The following NRG1 variants were observed in gnomAD, a reference collection of about 807,000 sequenced individuals.
NRG1 encodes neuregulin 1, also known as pro-neuregulin-1, membrane-bound isoform.
Under a neutral mutation model 63.8 loss-of-function variants are expected in NRG1, and 18 were observed. The ratio of observed to expected loss-of-function variants is 0.28; its 90% CI spans 0.19 to 0.42. NRG1 has a LOEUF of 0.42. Among genes scored for constraint, NRG1 ranks in the 10% least tolerant of loss-of-function variants. The probability of loss-of-function intolerance (pLI) is 1.00; values close to 1 mark genes in which losing one functional copy is unlikely to be tolerated. For synonymous variants in NRG1, 302 were observed against 301.3 expected (o/e 1.00, Z -0.02); for missense variants, 762 against 814.7 (o/e 0.94, Z 0.79).
At chr8:32,485,224 C>T (rs1031289535) in intron 1 of NRG1, among the ~76,000 whole-genome samples, 3 of 151,728 alleles carry the variant, frequency 2.0e-5, no homozygotes, top group Non-Finnish European at 2.9e-5. Flanking sequence ...AAGCGATACT[C>T]CTGCCTCAGC....
chr8:32,249,365 C>G (rs1308024579), intron 1 of NRG1, among the ~76,000 whole-genome samples: 1 of 152,046 alleles, frequency 6.6e-6, no homozygotes, highest in Non-Finnish European at 1.5e-5. Flanking sequence ...AATTTAGTTT[C>G]CATTCTAACA....
At chr8:32,725,168 G>C (rs1035247300) in intron 5 of NRG1, among the ~76,000 whole-genome samples, 1 of 152,026 alleles carries the variant, frequency 6.6e-6, no homozygotes, top group Non-Finnish European at 1.5e-5. Context: ...TGGTTTTGTT[G>C]TTTTTAGCAA....
intron 6 of NRG1, 42 bp from the exon 7 acceptor site, chr8:32,741,966 C>G (rs1264572753): frequency 6.5e-7 from 1 of 1,536,322 alleles, no homozygotes; most frequent in Admixed American, 1.7e-5. Context: ...AGCTCAGTGT[C>G]TTTAGCATTT....
intron 1 of NRG1, among the ~76,000 whole-genome samples, chr8:32,503,772 A>G (rs1828174560): frequency 6.6e-6 from 1 of 152,210 alleles, no homozygotes; most frequent in African/African-American, 2.4e-5. Context: ...ACGCAGAGTG[A>G]GAGACCGAGG....
intron 1 of NRG1, among the ~76,000 whole-genome samples, chr8:31,826,854 A>C (rs1341861764): frequency 6.6e-6 from 1 of 152,240 alleles, no homozygotes; most frequent in Non-Finnish European, 1.5e-5. Flanking sequence ...TGTTTGAGAG[A>C]TAAATGCAGT....
Position 32,365,650 on chromosome 8 carries a change from T to C in NRG1, c.38-230178T>C, listed in dbSNP as rs182167245. Among the ~76,000 whole-genome samples the C allele has an allele frequency of 3.6e-4, 55 of 152,252 alleles. 1 individual carries two copies. Among genetic ancestry groups the C allele is most frequent in the African/African-American group, 1.3e-3 (53 of 41,548 alleles). On this transcript the variant is annotated intron_variant, in intron 1 of 10. Transcript: ENST00000519301. ...TAGTAAATATTTTAGACTTCATGGA[T>C]GATACAGTCTTGGGGCAGCTACTCA...
chr8:31,872,676 C>G (rs1179574049), intron 1 of NRG1, among the ~76,000 whole-genome samples: 1 of 152,148 alleles, frequency 6.6e-6, no homozygotes, highest in African/African-American at 2.4e-5. Flanking sequence ...TGGATAACCT[C>G]AATTTATTCA....
At chr8:31,738,193 A>C (rs1814889409) in intron 1 of NRG1, among the ~76,000 whole-genome samples, 1 of 152,072 alleles carries the variant, frequency 6.6e-6, no homozygotes, top group Non-Finnish European at 1.5e-5. Context: ...GCCACGGAGA[A>C]ATGAAAACGT....
intron 1 of NRG1, among the ~76,000 whole-genome samples, chr8:32,148,590 T>C (rs1837167313): frequency 6.6e-6 from 1 of 152,194 alleles, no homozygotes; most frequent in Non-Finnish European, 1.5e-5. Flanking sequence ...TCAGTTAATT[T>C]AGAAAGATTT....
At chr8:32,199,225 T>C (rs1843254197) in intron 1 of NRG1, among the ~76,000 whole-genome samples, 1 of 152,194 alleles carries the variant, frequency 6.6e-6, no homozygotes, top group South Asian at 2.1e-4. Context: ...TCCTCCTTTC[T>C]GTGGGGGCCC....
rs573379153 is a variant in NRG1 at position 31,726,677 on chromosome 8, C to A, written c.37+87246C>A. On this transcript the variant is annotated intron_variant, in intron 1 of 10. Transcript: ENST00000519301. ...GAGTGAAAAAAGCATGTCTGTAGAG[C>A]AGAAGAAGCTGGACTGCAGAGCAGT... 3.3e-5 allele frequency among the ~76,000 whole-genome samples: 5 copies of A among 152,166 alleles called. No homozygotes were observed. The South Asian group carries it at 1.0e-3, about 32-fold the overall frequency.
At position 32,760,765 on chromosome 8, in the gene NRG1, C is replaced by A. The variant is rs546712014; in HGVS notation, c.1259+359C>A. On this transcript the variant is annotated intron_variant, in intron 11 of 11. Coordinates refer to ENST00000356819, the Ensembl canonical transcript of NRG1. ...GATGGCATCAATGCTTGATAAGGACCCTTCTATAATTCCAATTGCCAGTTA... is the reference window on the plus strand; with the variant it reads ...GATGGCATCAATGCTTGATAAGGACACTTCTATAATTCCAATTGCCAGTTA... The A allele has an allele frequency of 2.3e-5, 24 of 1,026,286 alleles. No individual in the cohort carries two copies. In the South Asian group the frequency reaches 8.7e-4, roughly 37 times the overall value. 63.6% of individuals were successfully genotyped at this position (1,026,286 alleles called of 1,614,324 possible).
chr8:31,712,927 C>T (rs963239677), intron 1 of NRG1, among the ~76,000 whole-genome samples: 4 of 151,824 alleles, frequency 2.6e-5, no homozygotes, highest in Non-Finnish European at 4.4e-5. Context: ...ATCTGTCTGT[C>T]TATTATGAAT....
chr8:32,569,855 A>G (rs781509656), intron 1 of NRG1, among the ~76,000 whole-genome samples: 4 of 151,614 alleles, frequency 2.6e-5, no homozygotes, highest in Non-Finnish European at 5.9e-5. Flanking sequence ...TTTCTTTCCT[A>G]AAAACAAGCC....
intron 1 of NRG1, among the ~76,000 whole-genome samples, chr8:32,217,927 T>C (rs1845413074): frequency 6.6e-6 from 1 of 152,192 alleles, no homozygotes; most frequent in Non-Finnish European, 1.5e-5. Flanking sequence ...AAAGCCAGCA[T>C]TAATAATAGG....
At chr8:31,764,695 G>A (rs1454166329) in intron 1 of NRG1, among the ~76,000 whole-genome samples, 2 of 151,870 alleles carry the variant, frequency 1.3e-5, no homozygotes, top group African/African-American at 4.8e-5. Context: ...TAGTATCTTC[G>A]AATCCATGAA....
At chr8:31,639,658 C>G in intron 1 of NRG1, 1 of 1,396,804 alleles carries the variant, frequency 7.2e-7, no homozygotes, top group Non-Finnish European at 9.2e-7. Flanking sequence ...GACAGCAGGG[C>G]TCGGGCGCGG....
intron 5 of NRG1, among the ~76,000 whole-genome samples, chr8:32,688,171 T>C (rs1452088429): frequency 6.6e-6 from 1 of 152,160 alleles, no homozygotes; most frequent in East Asian, 1.9e-4. Context: ...AGGCTACCAA[T>C]ATGTTTAATG....
intron 1 of NRG1, among the ~76,000 whole-genome samples, chr8:31,991,232 C>T (rs3101558): frequency 0.016 from 2,394 of 152,110 alleles, 56 homozygotes; most frequent in African/African-American, 0.055. Flanking sequence ...CCTACCTCCA[C>T]GGTGATTGTT....
Sources: gnomAD v4.1 joint callset for allele counts (sites outside exome capture counted in the v4.1 genomes callset) on GRCh38, gnomAD v4.1.1 for gene constraint, MANE v1.5 for transcripts, NCBI Gene and HGNC (gene_info 2026-07-23, HGNC 2026-07-21) for gene names.